Variants in STXBP5L observed in about 807,000 individuals in gnomAD.
STXBP5L encodes syntaxin-binding protein 5-like.
A neutral mutation model predicts 144.5 loss-of-function variants in STXBP5L; 65 were observed. That is an observed-to-expected ratio of 0.45 (90% CI 0.37 to 0.55). The LOEUF (loss-of-function observed/expected upper bound fraction) is 0.55. STXBP5L is among the 20% of genes least tolerant of loss of function. The probability of loss-of-function intolerance (pLI) is 0.00; values close to 1 mark genes in which losing one functional copy is unlikely to be tolerated. For synonymous variants in STXBP5L, 505 were observed against 469.6 expected (o/e 1.08, Z -0.97); for missense variants, 1,298 against 1,405.5 (o/e 0.92, Z 1.22).
intron 20 of STXBP5L, among the ~76,000 whole-genome samples, chr3:121,326,329 G>A (rs1157227295): frequency 6.6e-5 from 10 of 152,004 alleles, no homozygotes; most frequent in Middle Eastern, 3.4e-3. Context: ...TTACCATGGC[G>A]TGGTGACCCC....
At chr3:121,413,835 T>G (rs2047174967) in intron 24 of STXBP5L, among the ~76,000 whole-genome samples, 1 of 152,206 alleles carries the variant, frequency 6.6e-6, no homozygotes, top group Non-Finnish European at 1.5e-5. Flanking sequence ...GGTCACAACA[T>G]TTTTTAAAAG....
intron 20 of STXBP5L, among the ~76,000 whole-genome samples, chr3:121,367,824 T>A (rs765174182): frequency 8.4e-6 from 1 of 119,756 alleles, no homozygotes; most frequent in Non-Finnish European, 1.7e-5. Context: ...CAGGTCTTCC[T>A]ATGTTGCCCA....
intron 20 of STXBP5L, among the ~76,000 whole-genome samples, chr3:121,365,098 C>G (rs1445804446): frequency 6.6e-6 from 1 of 151,628 alleles, no homozygotes; most frequent in Admixed American, 6.6e-5. Context: ...CCTTATATTC[C>G]AGAAATATAT....
intron 21 of STXBP5L, among the ~76,000 whole-genome samples, chr3:121,379,723 A>G (rs1038126299): frequency 1.3e-5 from 2 of 152,180 alleles, no homozygotes; most frequent in African/African-American, 2.4e-5. Flanking sequence ...GTCTGTGAGT[A>G]TCAACTTTGT....
intron 20 of STXBP5L, among the ~76,000 whole-genome samples, chr3:121,362,501 C>G (rs2045741018): frequency 1.3e-5 from 2 of 152,162 alleles, no homozygotes; most frequent in African/African-American, 2.4e-5. Flanking sequence ...GAGCTCCACC[C>G]CATAGCCGCC....
intron 23 of STXBP5L, among the ~76,000 whole-genome samples, chr3:121,411,820 G>A (rs2047120333): frequency 6.6e-6 from 1 of 152,082 alleles, no homozygotes; most frequent in African/African-American, 2.4e-5. Context: ...CAGTGAACTG[G>A]ACCCACAACA....
chr3:121,328,092 C>A (rs1450981980), intron 20 of STXBP5L, among the ~76,000 whole-genome samples: 1 of 152,074 alleles, frequency 6.6e-6, no homozygotes, highest in Non-Finnish European at 1.5e-5. Flanking sequence ...GTATTATATA[C>A]AATTGAAGGC....
chr3:121,093,215 A>T (rs928226691), intron 5 of STXBP5L, among the ~76,000 whole-genome samples: 1 of 152,204 alleles, frequency 6.6e-6, no homozygotes, highest in East Asian at 1.9e-4. Flanking sequence ...TTCATCAAGG[A>T]CATTGGTCTA....
At chr3:120,941,268 CA>C (rs1329697788) in intron 2 of STXBP5L, among the ~76,000 whole-genome samples, 2 of 151,618 alleles carry the variant, frequency 1.3e-5, no homozygotes, top group Admixed American at 1.3e-4. Context: ...GGAAGAAACA[CA>C]GGTAGTAAAG....
intron 2 of STXBP5L, among the ~76,000 whole-genome samples, chr3:120,916,694 T>C (rs925413476): frequency 8.5e-5 from 13 of 152,216 alleles, no homozygotes; most frequent in African/African-American, 2.9e-4. Context: ...TAAATAAAAC[T>C]GATCATTTTG....
chr3:121,171,404 A>G (rs1456340949), intron 9 of STXBP5L, among the ~76,000 whole-genome samples: 1 of 152,210 alleles, frequency 6.6e-6, no homozygotes, highest in Admixed American at 6.5e-5. Flanking sequence ...ATAGGAAGAG[A>G]GGAAGTCATA....
intron 3 of STXBP5L, among the ~76,000 whole-genome samples, chr3:121,026,793 A>G (rs887783532): frequency 2.4e-4 from 37 of 152,026 alleles, no homozygotes; most frequent in African/African-American, 8.9e-4. Flanking sequence ...AGTTATATAC[A>G]TATGTAACAA....
intron 21 of STXBP5L, among the ~76,000 whole-genome samples, chr3:121,379,778 T>C (rs143102453): frequency 5.3e-4 from 80 of 152,300 alleles, no homozygotes; most frequent in African/African-American, 1.8e-3. Flanking sequence ...CCATATAATA[T>C]CTAGCATGTT....
intron 3 of STXBP5L, among the ~76,000 whole-genome samples, chr3:120,982,248 G>A (rs190444292): frequency 6.0e-4 from 92 of 152,220 alleles, no homozygotes; most frequent in African/African-American, 2.0e-3. Context: ...GTGATGGGCC[G>A]GTCTGTAGAA....
At chr3:121,157,088 C>T (rs1242510911) in intron 8 of STXBP5L, among the ~76,000 whole-genome samples, 1 of 152,066 alleles carries the variant, frequency 6.6e-6, no homozygotes, top group Non-Finnish European at 1.5e-5. Context: ...GAGGGCAATA[C>T]AGTGCAATGA....
At chr3:121,071,901 T>G (rs1576854130) in intron 5 of STXBP5L, among the ~76,000 whole-genome samples, 1 of 152,180 alleles carries the variant, frequency 6.6e-6, no homozygotes, top group East Asian at 1.9e-4. Context: ...TAGTAGGGGT[T>G]TACCTGGCTC....
intron 2 of STXBP5L, among the ~76,000 whole-genome samples, chr3:120,930,822 T>C (rs1709892355): frequency 6.6e-6 from 1 of 152,110 alleles, no homozygotes. Context: ...ACTATGTTTT[T>C]CTATTTAACT....
intron 18 of STXBP5L, among the ~76,000 whole-genome samples, chr3:121,265,763 G>A (rs1477615151): frequency 6.6e-6 from 1 of 151,648 alleles, no homozygotes; most frequent in Non-Finnish European, 1.5e-5. Flanking sequence ...GAATCAAACA[G>A]GAACAATAAA....
chr3:121,353,502 T>C (rs2045383849), intron 20 of STXBP5L, among the ~76,000 whole-genome samples: 1 of 152,186 alleles, frequency 6.6e-6, no homozygotes, highest in Non-Finnish European at 1.5e-5. Flanking sequence ...AAAGGTAGTT[T>C]GTGTTTCTAT....
Sources: gnomAD v4.1 joint callset for allele counts (sites outside exome capture counted in the v4.1 genomes callset) on GRCh38, gnomAD v4.1.1 for gene constraint, MANE v1.5 for transcripts, NCBI Gene and HGNC (gene_info 2026-07-23, HGNC 2026-07-21) for gene names.